Variants in ZNF407 observed in about 807,000 individuals in gnomAD.
ZNF407 encodes the protein zinc finger protein 407.
In ZNF407, 17 loss-of-function variants were observed where a neutral mutation model predicts 131.2. The observed-to-expected ratio is 0.13, with a 90% CI of 0.09 to 0.19. The LOEUF (loss-of-function observed/expected upper bound fraction) is 0.19. ZNF407 is among the 10% of genes least tolerant of loss of function. The pLI is 1.00. For synonymous variants in ZNF407, 1,156 were observed against 1,062.0 expected (o/e 1.09, Z -1.72); for missense variants, 2,681 against 2,830.6 (o/e 0.95, Z 1.20).
At chr18:74,957,163 C>T (rs1327822064) in intron 8 of ZNF407, among the ~76,000 whole-genome samples, 1 of 152,074 alleles carries the variant, frequency 6.6e-6, no homozygotes, top group Non-Finnish European at 1.5e-5. Context: ...CGTGGGACTC[C>T]AGGATGCCTC....
chr18:74,613,111 G>A (rs1170195746), intron 1 of ZNF407, among the ~76,000 whole-genome samples: 1 of 152,148 alleles, frequency 6.6e-6, no homozygotes, highest in African/African-American at 2.4e-5. Flanking sequence ...TCTAAGGAGT[G>A]CATCTTTCAG....
intron 8 of ZNF407, among the ~76,000 whole-genome samples, chr18:74,957,960 G>C (rs1445088400): frequency 6.6e-6 from 1 of 152,154 alleles, no homozygotes; most frequent in Non-Finnish European, 1.5e-5. Flanking sequence ...ACCTGGCAGA[G>C]GGACACATGT....
At chr18:74,882,560 C>G (rs1158591445) in intron 6 of ZNF407, among the ~76,000 whole-genome samples, 1 of 152,200 alleles carries the variant, frequency 6.6e-6, no homozygotes, top group African/African-American at 2.4e-5. Flanking sequence ...CTAATGCCAG[C>G]CATTCCTTTT....
intron 2 of ZNF407, among the ~76,000 whole-genome samples, chr18:74,636,488 G>T (rs1984469669): frequency 6.6e-6 from 1 of 152,118 alleles, no homozygotes; most frequent in African/African-American, 2.4e-5. Context: ...GACAAGTTCT[G>T]TCTCCATGGT....
chr18:74,653,695 T>A (rs2144715271), intron 3 of ZNF407, among the ~76,000 whole-genome samples: 1 of 151,964 alleles, frequency 6.6e-6, no homozygotes, highest in African/African-American at 2.4e-5. Flanking sequence ...AAAATAGCGA[T>A]ACTACAAACT....
rs138784879 is a variant in ZNF407, at chr18:74,814,740, C to T, written c.4877+33238C>T. 4.7e-3 allele frequency among the ~76,000 whole-genome samples: 707 copies of T among 152,002 alleles called. 7 individuals carry two copies. Among genetic ancestry groups the T allele is most frequent in the African/African-American group, 0.017 (687 of 41,490 alleles). On this transcript the variant is annotated intron_variant, in intron 4 of 8. Coordinates refer to ENST00000299687, the MANE Select transcript of ZNF407 (RefSeq NM_017757.3). The stretch of plus-strand genomic sequence containing the variant: ...TTTAAAAAAATGTATAATCTTACTG[C>T]GTAAAATTTTTTCTCATATAATTTG...
At chr18:74,943,377 A>T (rs1972121771) in intron 8 of ZNF407, among the ~76,000 whole-genome samples, 1 of 152,122 alleles carries the variant, frequency 6.6e-6, no homozygotes, top group Non-Finnish European at 1.5e-5. Flanking sequence ...TGAAGCATTT[A>T]TTTTCCATCT....
intron 8 of ZNF407, among the ~76,000 whole-genome samples, chr18:75,058,599 C>A (rs1973589039): frequency 6.6e-6 from 1 of 152,086 alleles, no homozygotes; most frequent in Non-Finnish European, 1.5e-5. Flanking sequence ...GCATCCATGC[C>A]CCATTAAGGC....
At chr18:74,630,853 C>G (rs1984024162) in intron 1 of ZNF407, 114 bp from the exon 2 acceptor site, 1 of 683,774 alleles carries the variant, frequency 1.5e-6, no homozygotes, top group South Asian at 3.3e-5. Context: ...AAATTCATCT[C>G]AGTATAAAGG....
chr18:74,756,361 G>A (rs1968963384), intron 3 of ZNF407, among the ~76,000 whole-genome samples: 1 of 152,146 alleles, frequency 6.6e-6, no homozygotes, highest in African/African-American at 2.4e-5. Context: ...AAAGGGGCAG[G>A]TTGGAATTTT....
At chr18:74,818,625 C>A (rs1247777527) in intron 4 of ZNF407, among the ~76,000 whole-genome samples, 1 of 152,110 alleles carries the variant, frequency 6.6e-6, no homozygotes, top group Non-Finnish European at 1.5e-5. Context: ...AATTCAGCAG[C>A]TGCATTCTTA....
chr18:74,996,162 T>C (rs1568295689), intron 8 of ZNF407, among the ~76,000 whole-genome samples: 1 of 152,180 alleles, frequency 6.6e-6, no homozygotes, highest in African/African-American at 2.4e-5. Context: ...GGCAGGACTT[T>C]ATGAAACAGA....
At chr18:74,786,750 A>G (rs144086570) in intron 4 of ZNF407, among the ~76,000 whole-genome samples, 44 of 144,504 alleles carry the variant, frequency 3.0e-4, no homozygotes, top group African/African-American at 1.1e-3. Context: ...AGTATCTATG[A>G]TCATATGACC....
chr18:75,038,948 A>G (rs1469142014), intron 8 of ZNF407, among the ~76,000 whole-genome samples: 2 of 152,220 alleles, frequency 1.3e-5, no homozygotes, highest in African/African-American at 4.8e-5. Flanking sequence ...ACTTCAACTA[A>G]TGGGTTATGA....
chr18:74,893,040 A>G (rs1412997582), intron 7 of ZNF407, among the ~76,000 whole-genome samples: 1 of 152,168 alleles, frequency 6.6e-6, no homozygotes, highest in African/African-American at 2.4e-5. Flanking sequence ...TCTTGGTTTG[A>G]AAATGTATTA....
chr18:74,968,121 A>G (rs1001877471), intron 8 of ZNF407, among the ~76,000 whole-genome samples: 13 of 152,154 alleles, frequency 8.5e-5, no homozygotes, highest in African/African-American at 3.1e-4. Flanking sequence ...TTATGTGGTC[A>G]TCATAAAGGC....
intron 7 of ZNF407, chr18:74,898,146 G>C (rs1236335585): frequency 1.3e-5 from 2 of 152,204 alleles, no homozygotes; most frequent in Non-Finnish European, 2.9e-5. Context: ...GAGGAAGACA[G>C]AGCAGCTTAT....
rs774957030 is a variant in ZNF407 at position 74,634,728 on chromosome 18, G to A, written c.3709G>A (p.Ala1237Thr). The change falls in exon 2 of 9, where the codon GCA becomes ACA. Residue 1237 changes from alanine to threonine, a missense_variant. Around this residue, in one of 6 missense-constraint regions of ZNF407, gnomAD observed 1,789 missense variants for 1,748.7 expected, o/e 1.02. Transcript: ENST00000299687. The stretch of plus-strand genomic sequence containing the variant: ...CCATTGTGAGGGTGAAGGAGGAAAC[G>A]CAGGAGACGGTGGAGGTGTTGTCCC... ...RVHCEGEGGN[A>T]GDGGGVVPHR... 1.7e-5 allele frequency: 28 copies of A among 1,613,920 alleles called. No homozygotes were observed. The highest frequency in any genetic ancestry group is 6.7e-5 in the East Asian group (3 of 44,900).
intron 4 of ZNF407, among the ~76,000 whole-genome samples, chr18:74,833,553 A>C (rs1433299473): frequency 6.6e-6 from 1 of 152,186 alleles, no homozygotes; most frequent in Non-Finnish European, 1.5e-5. Context: ...GAGCCTGTGG[A>C]GTTCCAGGCA....
Sources: allele counts gnomAD v4.1 joint callset (sites outside exome capture counted in the v4.1 genomes callset), GRCh38; gene constraint gnomAD v4.1.1; regional missense constraint gnomAD v4.1.1; transcripts MANE v1.5; gene names NCBI Gene and HGNC (gene_info 2026-07-23, HGNC 2026-07-21).